The following MTMR14 variants were observed in gnomAD, a reference collection of about 807,000 sequenced individuals.
MTMR14 encodes myotubularin related protein 14.
MTMR14 carries 48 observed loss-of-function variants against 86.3 expected under a neutral mutation model. The ratio of observed to expected loss-of-function variants is 0.56; its 90% confidence interval spans 0.44 to 0.71. MTMR14 has a LOEUF of 0.71. Ranked by LOEUF, MTMR14 falls within the 30% of genes least tolerant of loss-of-function variation. MTMR14 has a pLI of 0.00. For missense variants in MTMR14, 780 were observed against 834.6 expected, an observed-to-expected ratio of 0.93 and a Z score of 0.81; for synonymous variants, 366 against 326.1, an observed-to-expected ratio of 1.12 and a Z score of -1.32.
At chr3:9,690,654 G>A (rs2076110182) in intron 17 of MTMR14, among the ~76,000 whole-genome samples, 1 of 152,244 alleles carries the variant, frequency 6.6e-6, no homozygotes, top group Non-Finnish European at 1.5e-5. Flanking sequence ...GTGGCTGAAG[G>A]GCGCTGCAGG....
intron 7 of MTMR14, chr3:9,675,658 C>T (rs1426182743): frequency 1.7e-5 from 8 of 457,266 alleles, no homozygotes; most frequent in South Asian, 3.1e-5. Context: ...ACAGTGGTTC[C>T]GAAGCCTATT....
intron 17 of MTMR14, among the ~76,000 whole-genome samples, chr3:9,694,193 C>T (rs2076217007): frequency 6.6e-6 from 1 of 152,202 alleles, no homozygotes; most frequent in Non-Finnish European, 1.5e-5. Flanking sequence ...AGTATATTAT[C>T]AGCAAGGGCT....
At chr3:9,665,456 G>A (rs977813829) in intron 3 of MTMR14, among the ~76,000 whole-genome samples, 5 of 152,136 alleles carry the variant, frequency 3.3e-5, no homozygotes, top group South Asian at 2.1e-4. Context: ...AACAATAGAC[G>A]TCAGGGACTT....
intron 3 of MTMR14, among the ~76,000 whole-genome samples, chr3:9,667,064 A>G (rs923872296): frequency 1.3e-5 from 2 of 152,214 alleles, no homozygotes; most frequent in Non-Finnish European, 2.9e-5. Context: ...AGGTCAATAG[A>G]AGGGATGTGG....
At chr3:9,673,031 C>T (rs1383989847) in intron 7 of MTMR14, among the ~76,000 whole-genome samples, 1 of 152,196 alleles carries the variant, frequency 6.6e-6, no homozygotes, top group Non-Finnish European at 1.5e-5. Context: ...CCCTCCAAGC[C>T]TCAAGTTTTC....
intron 5 of MTMR14, among the ~76,000 whole-genome samples, chr3:9,670,294 A>G (rs1006815050): frequency 6.6e-6 from 1 of 152,222 alleles, no homozygotes; most frequent in Non-Finnish European, 1.5e-5. Context: ...CTTGTGCTCA[A>G]GAATGTTTGG....
chr3:9,672,348 T>TCCTGCTTCA (rs2048611109), intron 6 of MTMR14, among the ~76,000 whole-genome samples: 1 of 152,178 alleles, frequency 6.6e-6, no homozygotes, highest in Admixed American at 6.5e-5. Flanking sequence ...CAAGCAATTC[T>TCCTGCTTCA]CCTGCTTCAG....
intron 3 of MTMR14, among the ~76,000 whole-genome samples, chr3:9,662,960 G>C (rs979735266): frequency 1.3e-5 from 2 of 152,160 alleles, no homozygotes; most frequent in African/African-American, 2.4e-5. Context: ...TTTCATTGCA[G>C]ATGAAACAGA....
chr3:9,693,982 G>C (rs913517710), intron 17 of MTMR14, among the ~76,000 whole-genome samples: 1 of 152,156 alleles, frequency 6.6e-6, no homozygotes, highest in Non-Finnish European at 1.5e-5. Flanking sequence ...TTTGTTCTCT[G>C]GCCAGCTTCC....
intron 17 of MTMR14, among the ~76,000 whole-genome samples, chr3:9,693,428 C>G (rs146591649): frequency 1.7e-3 from 260 of 152,346 alleles, no homozygotes; most frequent in Non-Finnish European, 3.1e-3. Flanking sequence ...GGGTATAACT[C>G]TGACTCCCCA....
chr3:9,682,694 A>G (rs562574108), intron 9 of MTMR14, among the ~76,000 whole-genome samples: 1 of 152,258 alleles, frequency 6.6e-6, no homozygotes, highest in Admixed American at 6.5e-5. Context: ...CAAATGAAGC[A>G]TGTTTGAAAA....
chr3:9,649,767 G>C, intron 1 of MTMR14, 25 bp downstream of exon 1: 1 of 1,612,620 alleles, frequency 6.2e-7, no homozygotes, highest in Non-Finnish European at 8.5e-7. Context: ...GCGATGAGCT[G>C]GGGAAGGCTC....
At chr3:9,678,357 C>A (rs1356889154) in intron 9 of MTMR14, among the ~76,000 whole-genome samples, 1 of 152,210 alleles carries the variant, frequency 6.6e-6, no homozygotes, top group African/African-American at 2.4e-5. Context: ...CAGATCTGGG[C>A]TTTAGTTACT....
In MTMR14 at chr3:9,653,632, TGAGAA is replaced by T. The variant is rs1177163688; in HGVS notation, c.176_180del (p.Lys59MetfsTer35). 6.2e-7 allele frequency: 1 copy of T among 1,614,076 alleles called. No individual in the cohort carries two copies. Among genetic ancestry groups the T allele is most frequent in the Non-Finnish European group, 8.5e-7 (1 of 1,179,952 alleles). On this transcript the variant is annotated frameshift_variant, in exon 2 of 19. Transcript: ENST00000296003. LOFTEE classifies it high-confidence loss of function. ...CCTTCTCTGTGCAGGTTGAGCGCAT[TGAGAA>T]GAGATGTCTGGAGCTGTTTGGCCGA...
intron 1 of MTMR14, among the ~76,000 whole-genome samples, chr3:9,651,390 G>A (rs1483627717): frequency 4.0e-5 from 6 of 151,698 alleles, no homozygotes; most frequent in African/African-American, 9.7e-5. Context: ...GGCGTGAGCC[G>A]CCACACCTGG....
intron 6 of MTMR14, 41 bp downstream of exon 6, chr3:9,671,211 T>A: frequency 6.2e-7 from 1 of 1,613,764 alleles, no homozygotes. Context: ...AGAGGCAGTG[T>A]GTACAGATTT....
intron 14 of MTMR14, 104 bp from the exon 15 acceptor site, chr3:9,688,592 G>T: frequency 7.5e-7 from 1 of 1,334,426 alleles, no homozygotes; most frequent in Non-Finnish European, 1.1e-6. Context: ...TCCACAAGTT[G>T]CCAGTGAATT....
Position 9,701,463 on chromosome 3 carries a change from A to C in MTMR14, c.1770-327A>C, listed in dbSNP as rs58518496. ...AGGTGGGAGGATGGCTTGAGGCTAC[A>C]GTGAGCGCTGATTGTGTCACTGCAT... On this transcript the variant is annotated intron_variant, in intron 18 of 18. Transcript: ENST00000296003. This position sits in a 1 kb window ranked among gnomAD's most constrained non-coding sequence, Gnocchi z 4.2. The C allele has an allele frequency of 0.036, 12,793 of 359,338 alleles. 612 individuals carry two copies. Among genetic ancestry groups the C allele is most frequent in the Admixed American group, 0.13 (3,100 of 23,350 alleles). 22.3% of individuals were successfully genotyped at this position (359,338 alleles called of 1,614,324 possible).
intron 12 of MTMR14, 50 bp downstream of exon 12, chr3:9,685,014 A>T (rs1472219800): frequency 6.4e-6 from 10 of 1,573,718 alleles, no homozygotes; most frequent in Admixed American, 1.7e-5. Flanking sequence ...CAGTTTCTAT[A>T]TGTGAGTTGT....
Sources: allele counts gnomAD v4.1 joint callset (sites outside exome capture counted in the v4.1 genomes callset), GRCh38; gene constraint gnomAD v4.1.1; non-coding constraint Gnocchi (gnomAD v3.1); transcripts MANE v1.5; gene names NCBI Gene and HGNC (gene_info 2026-07-23, HGNC 2026-07-21).